PLEKHG4B: variants seen among roughly 807,000 people sequenced by gnomAD.
PLEKHG4B encodes the protein pleckstrin homology domain-containing family G member 4B.
A neutral mutation model predicts 121.3 loss-of-function variants in PLEKHG4B; 111 were observed. That is an observed-to-expected ratio of 0.92 (90% CI 0.78 to 1.07). PLEKHG4B has a LOEUF of 1.07. PLEKHG4B is among the 50% of genes least tolerant of loss of function. PLEKHG4B has a pLI of 0.00. For missense variants in PLEKHG4B, 1,831 were observed against 1,757.8 expected, an observed-to-expected ratio of 1.04 and a Z score of -0.74; for synonymous variants, 738 against 725.0, an observed-to-expected ratio of 1.02 and a Z score of -0.29.
At position 102,921 on chromosome 5, in the gene PLEKHG4B, G is replaced by A. The variant is rs866236650; in HGVS notation, c.46-10330G>A. On this transcript the variant is annotated intron_variant, in intron 1 of 19. Coordinates refer to ENST00000637938, the MANE Select transcript of PLEKHG4B (RefSeq NM_052909.5). ...CTGATGCTGGCTGTGTCTGACCCTC[G>A]GGTCTTGGAGCCGGTGGTTATGGTA... 6.6e-5 allele frequency among the ~76,000 whole-genome samples: 10 copies of A among 152,220 alleles called. No individual in the cohort carries two copies. The South Asian group carries it at 1.5e-3, about 22-fold the overall frequency.
intron 3 of PLEKHG4B, 80 bp downstream of exon 3, chr5:140,796 C>G: frequency 8.1e-7 from 1 of 1,228,422 alleles, no homozygotes; most frequent in Non-Finnish European, 1.1e-6. Flanking sequence ...GCACACCCCA[C>G]CCCCTTCCCT....
chr5:140,397 G>A lies in PLEKHG4B; in HGVS notation c.1158G>A (p.Arg386=), dbSNP rs1403667847. Residue 386 remains arginine (R), a synonymous_variant, in exon 3 of 20, where the codon AGG becomes AGA. Coordinates refer to ENST00000637938, the MANE Select transcript of PLEKHG4B (RefSeq NM_052909.5). ...LACSSLTGAS[R]DLGTGAVASG... is the part of the protein sequence containing the mutation. ...GCAGCTCCCTGACTGGAGCCAGCAG[G>A]GACCTGGGGACTGGGGCAGTAGCCA... 1.3e-6 allele frequency: 2 copies of A among 1,552,566 alleles called. No homozygotes were observed. Among genetic ancestry groups the A allele is most frequent in the African/African-American group, 2.7e-5 (2 of 73,266 alleles).
In PLEKHG4B at chr5:157,647, T is replaced by C. The variant is rs1426681083; in HGVS notation, c.2487+736T>C. The stretch of plus-strand genomic sequence containing the variant: ...TGATTGCTTAGCTCAGGGGTGCAGA[T>C]GATGCTGCTGCCTCATTTTGATGCC... On this transcript the variant is annotated intron_variant, in intron 11 of 19. Transcript: ENST00000637938. The surrounding 1 kb of genome is among the most constrained non-coding windows in gnomAD (Gnocchi z 4.6). Among the ~76,000 whole-genome samples the C allele has an allele frequency of 6.6e-6, 1 of 152,216 alleles. No individual in the cohort carries two copies. Among genetic ancestry groups the C allele is most frequent in the Non-Finnish European group, 1.5e-5 (1 of 68,032 alleles).
rs140903312 is a variant in PLEKHG4B, at chr5:168,154, G to C, written c.3477-1186G>C. On this transcript the variant is annotated intron_variant, in intron 13 of 19. Transcript: ENST00000637938. ...CTGCAGATGTGTGTGTTGTCAGGAA[G>C]GGCTCTTCAAAGACTCAGAAGTGCT... Among the ~76,000 whole-genome samples the C allele has an allele frequency of 5.3e-3, 806 of 152,282 alleles. 6 individuals carry two copies. Among genetic ancestry groups the C allele is most frequent in the Non-Finnish European group, 8.2e-3 (560 of 68,020 alleles).
At chr5:132,095 A>G (rs1267996476) in intron 2 of PLEKHG4B, among the ~76,000 whole-genome samples, 1 of 152,166 alleles carries the variant, frequency 6.6e-6, no homozygotes, top group Non-Finnish European at 1.5e-5. Context: ...TTCCTCTGAT[A>G]CCAGGAACAA....
At chr5:158,859 T>G (rs548911719) in intron 11 of PLEKHG4B, among the ~76,000 whole-genome samples, 1 of 152,244 alleles carries the variant, frequency 6.6e-6, no homozygotes, top group Non-Finnish European at 1.5e-5. Context: ...GTCTTCCTCT[T>G]TTTTCATTTA....
In PLEKHG4B at chr5:156,968, C is replaced by A; in HGVS notation, c.2487+57C>A. 1 of 1,589,806 alleles carries A rather than the reference C, an allele frequency of 6.3e-7. No homozygotes were observed. ...AGCATCCCCTCCAGGCCAGGCTGGC[C>A]AAGGCAACCCTCTCACCTTCACACT... On this transcript the variant is annotated intron_variant, in intron 11 of 19. Coordinates refer to ENST00000637938, the MANE Select transcript of PLEKHG4B (RefSeq NM_052909.5). The surrounding 1 kb of genome is among the most constrained non-coding windows in gnomAD (Gnocchi z 4.4).
intron 13 of PLEKHG4B, among the ~76,000 whole-genome samples, chr5:164,163 A>T (rs1223593229): frequency 6.6e-6 from 1 of 152,274 alleles, no homozygotes; most frequent in Non-Finnish European, 1.5e-5. Flanking sequence ...GTCTTGGGCC[A>T]GCAATCCCCA....
At chr5:165,089 G>A (rs191611879) in intron 13 of PLEKHG4B, among the ~76,000 whole-genome samples, 72 of 48,292 alleles carry the variant, frequency 1.5e-3, no homozygotes, top group Admixed American at 2.3e-3. Flanking sequence ...GACGGGGCGG[G>A]GCTCACACTA....
intron 18 of PLEKHG4B, among the ~76,000 whole-genome samples, chr5:180,701 G>A (rs1193963965): frequency 3.9e-5 from 6 of 152,198 alleles, no homozygotes; most frequent in Non-Finnish European, 7.3e-5. Flanking sequence ...CCGCGTCCAC[G>A]TGCACAGCTC....
intron 1 of PLEKHG4B, among the ~76,000 whole-genome samples, chr5:95,002 A>G: frequency 6.6e-6 from 1 of 152,190 alleles, no homozygotes; most frequent in East Asian, 1.9e-4. Flanking sequence ...CTTTAACAGA[A>G]TGTTCCTAAA....
intron 2 of PLEKHG4B, among the ~76,000 whole-genome samples, chr5:135,674 AAAAAAAAAATATATATATATAT>A (rs1560917848): frequency 6.0e-5 from 4 of 66,118 alleles, no homozygotes; most frequent in Non-Finnish European, 1.1e-4. Flanking sequence ...TCAAAAAAAA[AAAAAAAAAATATATATATATAT>A]ATATATATAT....
At chr5:104,531 T>A (rs895502620) in intron 1 of PLEKHG4B, among the ~76,000 whole-genome samples, 2 of 152,246 alleles carry the variant, frequency 1.3e-5, no homozygotes, top group African/African-American at 4.8e-5. Flanking sequence ...GTAACCCAAT[T>A]TAAAGTGGTA....
intron 1 of PLEKHG4B, among the ~76,000 whole-genome samples, chr5:110,139 C>T (rs1734098445): frequency 6.6e-6 from 1 of 150,486 alleles, no homozygotes; most frequent in Admixed American, 6.6e-5. Flanking sequence ...GTCTGCAACA[C>T]ACGTGCACAC....
At chr5:95,911 A>G (rs1482189426) in intron 1 of PLEKHG4B, among the ~76,000 whole-genome samples, 1 of 151,982 alleles carries the variant, frequency 6.6e-6, no homozygotes, top group Non-Finnish European at 1.5e-5. Flanking sequence ...GGTGGTGATG[A>G]CCCCACTCCT....
intron 7 of PLEKHG4B, among the ~76,000 whole-genome samples, chr5:152,285 A>G (rs977553976): frequency 6.7e-6 from 1 of 149,038 alleles, no homozygotes; most frequent in African/African-American, 2.5e-5. Flanking sequence ...ATCAGAGCTT[A>G]CTGTAATCTC....
At position 156,458 on chromosome 5, in the gene PLEKHG4B, T is replaced by C. The variant is rs942695655; in HGVS notation, c.2348+248T>C. Among the ~76,000 whole-genome samples, 3 of 151,592 alleles carry C rather than the reference T, an allele frequency of 2.0e-5. No individual in the cohort carries two copies. The highest frequency in any genetic ancestry group is 4.4e-5 in the Non-Finnish European group (3 of 67,924). On this transcript the variant is annotated intron_variant, in intron 10 of 19. Coordinates refer to ENST00000637938, the MANE Select transcript of PLEKHG4B (RefSeq NM_052909.5). The surrounding 1 kb of genome is among the most constrained non-coding windows in gnomAD (Gnocchi z 4.4). ...TCAGAGTGCATCAGAATGAGCTCATTCTTGACCAGTGCTGCCTGGGGAGCT... is the reference window on the plus strand; with the variant it reads ...TCAGAGTGCATCAGAATGAGCTCATCCTTGACCAGTGCTGCCTGGGGAGCT...
At chr5:166,861 A>G (rs1243873785) in intron 13 of PLEKHG4B, among the ~76,000 whole-genome samples, 1 of 152,222 alleles carries the variant, frequency 6.6e-6, no homozygotes, top group East Asian at 1.9e-4. Flanking sequence ...CTCCAAGTAG[A>G]ACATTAAGTT....
At chr5:128,169 C>T (rs981014690) in intron 2 of PLEKHG4B, among the ~76,000 whole-genome samples, 3 of 152,006 alleles carry the variant, frequency 2.0e-5, no homozygotes, top group Admixed American at 6.6e-5. Context: ...TGGGAGGGCC[C>T]GGAAGAAAAA....
Sources: gnomAD v4.1 joint callset for allele counts (sites outside exome capture counted in the v4.1 genomes callset) on GRCh38, gnomAD v4.1.1 for gene constraint, Gnocchi (gnomAD v3.1) non-coding constraint, MANE v1.5 for transcripts, NCBI Gene and HGNC (gene_info 2026-07-23, HGNC 2026-07-21) for gene names.